PAG1: variants seen among roughly 807,000 people sequenced by gnomAD.
The protein encoded by PAG1 is phosphoprotein associated with glycosphingolipid-enriched microdomains 1.
A neutral mutation model predicts 31.7 loss-of-function variants in PAG1; 23 were observed. That is an observed-to-expected ratio of 0.73 (90% CI 0.52 to 1.03). PAG1 has a LOEUF of 1.03. Ranked by LOEUF, PAG1 falls within the 50% of genes least tolerant of loss-of-function variation. The pLI, the probability that PAG1 is intolerant of heterozygous loss-of-function variation, is 0.00. For synonymous variants in PAG1, 214 were observed against 210.3 expected (o/e 1.02, Z -0.15); for missense variants, 473 against 540.7 (o/e 0.87, Z 1.24).
At chr8:81,034,122 C>T (rs1808424595) in intron 2 of PAG1, among the ~76,000 whole-genome samples, 1 of 152,198 alleles carries the variant, frequency 6.6e-6, no homozygotes, top group African/African-American at 2.4e-5. Context: ...TTAAAAGAAA[C>T]TTAAAGGTCA....
chr8:81,073,315 T>G (rs1809123759), intron 1 of PAG1, among the ~76,000 whole-genome samples: 1 of 152,172 alleles, frequency 6.6e-6, no homozygotes, highest in Non-Finnish European at 1.5e-5. Flanking sequence ...CAGAGCAGTG[T>G]CGGGTGGTTA....
At chr8:81,031,416 A>G (rs1191473813) in intron 2 of PAG1, among the ~76,000 whole-genome samples, 2 of 152,186 alleles carry the variant, frequency 1.3e-5, no homozygotes, top group African/African-American at 4.8e-5. Flanking sequence ...CCACTCTTTT[A>G]TTAGACTTCA....
At chr8:80,995,812 T>C (rs1030698117) in intron 3 of PAG1, among the ~76,000 whole-genome samples, 1 of 152,194 alleles carries the variant, frequency 6.6e-6, no homozygotes, top group African/African-American at 2.4e-5. Context: ...CTTCTCTCTC[T>C]CCTCTCTCCT....
At chr8:81,107,969 C>T (rs749395494) in intron 1 of PAG1, among the ~76,000 whole-genome samples, 12 of 152,210 alleles carry the variant, frequency 7.9e-5, no homozygotes, top group Non-Finnish European at 1.3e-4. Context: ...CAATGGTCTT[C>T]ATTCATTTAT....
intron 1 of PAG1, among the ~76,000 whole-genome samples, chr8:81,111,198 T>C (rs1209627665): frequency 6.6e-6 from 1 of 152,070 alleles, no homozygotes; most frequent in Non-Finnish European, 1.5e-5. Flanking sequence ...CTGAAAGAAA[T>C]GGCTCGCCCA....
At chr8:81,042,438 T>G (rs913225185) in intron 2 of PAG1, among the ~76,000 whole-genome samples, 1 of 152,242 alleles carries the variant, frequency 6.6e-6, no homozygotes, top group Non-Finnish European at 1.5e-5. Context: ...TAACATTACC[T>G]TTAACACACT....
At chr8:80,999,297 A>T (rs952505827) in intron 3 of PAG1, among the ~76,000 whole-genome samples, 1 of 152,196 alleles carries the variant, frequency 6.6e-6, no homozygotes, top group East Asian at 1.9e-4. Flanking sequence ...TTGCCTACAC[A>T]TGATTGTTAT....
chr8:80,998,092 A>G (rs974420426), intron 3 of PAG1, among the ~76,000 whole-genome samples: 5 of 152,022 alleles, frequency 3.3e-5, no homozygotes, highest in African/African-American at 1.2e-4. Context: ...TAATCACTAG[A>G]AAAACCACTG....
At chr8:80,984,643 A>C (rs1807375582) in intron 7 of PAG1, 133 bp downstream of exon 7, 3 of 793,822 alleles carry the variant, frequency 3.8e-6, no homozygotes, top group South Asian at 3.9e-5. Flanking sequence ...AACACAGCTT[A>C]CATGAAAACA....
At chr8:81,064,704 C>T (rs962787395) in intron 2 of PAG1, among the ~76,000 whole-genome samples, 14 of 152,024 alleles carry the variant, frequency 9.2e-5, no homozygotes, top group Admixed American at 7.9e-4. Flanking sequence ...GAAGCAGAGA[C>T]GGCAGCCTCG....
At position 81,002,477 on chromosome 8, in the gene PAG1, A is replaced by C. The variant is rs144194776; in HGVS notation, c.-80-9170T>G. ...GGGAAAAGTAAACCCTCAAGACTGG[A>C]GAAGTAGAATTTAAGAGCAGATGGT... is the stretch of plus-strand genomic sequence containing the variant. On this transcript the variant is annotated intron_variant, in intron 3 of 8. Coordinates refer to ENST00000220597, the MANE Select transcript of PAG1 (RefSeq NM_018440.4). Among the ~76,000 whole-genome samples, 370 of 152,342 alleles carry C rather than the reference A, an allele frequency of 2.4e-3. 2 individuals are homozygous for C. The highest frequency in any genetic ancestry group is 8.4e-3 in the African/African-American group (348 of 41,584).
chr8:81,106,391 T>A (rs942593360), intron 1 of PAG1, among the ~76,000 whole-genome samples: 5 of 150,958 alleles, frequency 3.3e-5, no homozygotes, highest in Non-Finnish European at 7.4e-5. Context: ...TTTTTTTTTT[T>A]ACTTGCTTAC....
In PAG1 at chr8:81,080,220, T is replaced by C. The variant is rs1037207645; in HGVS notation, c.-233-10050A>G. 9.9e-5 allele frequency among the ~76,000 whole-genome samples: 15 copies of C among 152,136 alleles called. 2 individuals are homozygous for C. Among genetic ancestry groups the C allele is most frequent in the Admixed American group, 9.8e-4 (15 of 15,258 alleles). On this transcript the variant is annotated intron_variant, in intron 1 of 8. Transcript: ENST00000220597. ...AAGAAGTATTGAAGGAGATATATTC[T>C]AGTTCATGTATGCCTATTTCGTTTT...
intron 1 of PAG1, among the ~76,000 whole-genome samples, chr8:81,101,681 A>G (rs1231839177): frequency 6.6e-6 from 1 of 152,178 alleles, no homozygotes; most frequent in African/African-American, 2.4e-5. Context: ...TTTAGTATTA[A>G]GCATGTAATT....
chr8:81,091,038 G>T (rs925242426), intron 1 of PAG1, among the ~76,000 whole-genome samples: 1 of 152,208 alleles, frequency 6.6e-6, no homozygotes, highest in Non-Finnish European at 1.5e-5. Context: ...ATGTCATCCA[G>T]ATGATAAGGG....
rs10108379 is a variant in PAG1, at chr8:81,043,032, A to G, written c.-174-12943T>C. ...CTAGACCCCTTTTACAATAAAATAC[A>G]TACTTTCTGTCTTTTTTATTTTTTA... On this transcript the variant is annotated intron_variant, in intron 2 of 8. Transcript: ENST00000220597. Among the ~76,000 whole-genome samples the G allele has an allele frequency of 1.2e-3, 185 of 152,272 alleles. 1 individual carries two copies. The highest frequency in any genetic ancestry group is 3.4e-3 in the Middle Eastern group (1 of 294).
rs1807131263 is a variant in PAG1 at position 80,974,036 on chromosome 8, T to C, written c.*2508A>G. ...CCACTGGTTCTCAAATTAAAAGGTATATTTCAGTGCATATTTCATAGCCAC... is the reference window on the plus strand; with the variant it reads ...CCACTGGTTCTCAAATTAAAAGGTACATTTCAGTGCATATTTCATAGCCAC... On this transcript the variant is annotated 3_prime_UTR_variant, in exon 9 of 9. Coordinates refer to ENST00000220597, the MANE Select transcript of PAG1 (RefSeq NM_018440.4). 1 of 152,182 alleles carries C rather than the reference T, an allele frequency of 6.6e-6. No homozygotes were observed. Among genetic ancestry groups the C allele is most frequent in the African/African-American group, 2.4e-5 (1 of 41,430 alleles). 9.4% of individuals were successfully genotyped at this position (152,182 alleles called of 1,614,324 possible).
rs532513597 is a variant in PAG1, at chr8:81,092,355, G to T, written c.-234+19236C>A. 2.0e-5 allele frequency among the ~76,000 whole-genome samples: 3 copies of T among 152,292 alleles called. No homozygotes were observed. In the East Asian group the frequency reaches 5.8e-4, roughly 29 times the overall value. ...GCTGTGTTCACTCCACTGCAGTCCA[G>T]TGCAGGTGACAAAGCAAGACTCTGT... On this transcript the variant is annotated intron_variant, in intron 1 of 8. Transcript: ENST00000220597.
At chr8:81,079,731 C>T (rs1011948838) in intron 1 of PAG1, among the ~76,000 whole-genome samples, 1 of 148,204 alleles carries the variant, frequency 6.7e-6, no homozygotes, top group Non-Finnish European at 1.5e-5. Flanking sequence ...TATTATTATG[C>T]GTATCGCATG....
Sources: allele counts gnomAD v4.1 joint callset (sites outside exome capture counted in the v4.1 genomes callset), GRCh38; gene constraint gnomAD v4.1.1; transcripts MANE v1.5; gene names NCBI Gene and HGNC (gene_info 2026-07-23, HGNC 2026-07-21).